MPC2: variants seen among roughly 807,000 people sequenced by gnomAD.
MPC2 encodes brain protein 44.
In MPC2, 19 loss-of-function variants were observed where a neutral mutation model predicts 19.2. That is an observed-to-expected ratio of 0.99 (90% confidence interval 0.69 to 1.45). The LOEUF (loss-of-function observed/expected upper bound fraction) is 1.45. MPC2 is among the 40% of genes most tolerant of loss of function. MPC2 has a pLI of 0.00. For missense variants in MPC2, 122 were observed against 153.0 expected, an observed-to-expected ratio of 0.80 and a Z score of 1.07; for synonymous variants, 61 against 54.3, an observed-to-expected ratio of 1.12 and a Z score of -0.54.
intron 1 of MPC2, 162 bp downstream of exon 1, chr1:167,936,777 C>T: frequency 2.7e-6 from 2 of 743,162 alleles, no homozygotes; most frequent in Admixed American, 2.8e-5. Context: ...GCTGCCACCG[C>T]CATCTAACGC....
chr1:167,935,813 C>A lies in MPC2; in HGVS notation c.29G>T (p.Arg10Leu). 1 of 1,555,262 alleles carries A rather than the reference C, an allele frequency of 6.4e-7. No individual in the cohort carries two copies. The highest frequency in any genetic ancestry group is 2.4e-5 in the East Asian group (1 of 41,472). Reference sequence around the variant, plus strand: ...ATCGAGGAGCCGGTGGTAGGTGGCCCGCAGGCCTCGGGCACCGGCGGCCGA... The same window carrying A: ...ATCGAGGAGCCGGTGGTAGGTGGCCAGCAGGCCTCGGGCACCGGCGGCCGA... MSAAGARGL[R>L]ATYHRLLDKV... Residue 10 changes from arginine to leucine, a missense_variant, in exon 2 of 6, where the codon CGG becomes CTG. Physicochemically the swap from Arg to Leu is moderately radical, Grantham distance 102. Transcript: ENST00000271373.
Position 167,935,849 on chromosome 1 carries a change from G to T in MPC2, c.-8C>A. The T allele has an allele frequency of 6.5e-7, 1 of 1,548,432 alleles. No individual in the cohort carries two copies. The highest frequency in any genetic ancestry group is 8.7e-7 in the Non-Finnish European group (1 of 1,145,788). ...GGCACCGGCGGCCGACATCGCCGCC[G>T]AGGGATCGTTGGCAGCCGGGTGGGA... On this transcript the variant is annotated 5_prime_UTR_variant, in exon 2 of 6. Coordinates refer to ENST00000271373, the MANE Select transcript of MPC2 (RefSeq NM_001143674.4).
At chr1:167,925,442 C>CGTATATATAT (rs1553200802) in intron 2 of MPC2, among the ~76,000 whole-genome samples, 85 of 82,402 alleles carry the variant, frequency 1.0e-3, no homozygotes, top group Non-Finnish European at 1.3e-3. Context: ...TACATATACA[C>CGTATATATAT]ATATATATAT....
At chr1:167,922,731 CAT>C (rs1449212779) in intron 3 of MPC2, among the ~76,000 whole-genome samples, 6 of 152,134 alleles carry the variant, frequency 3.9e-5, no homozygotes, top group African/African-American at 1.4e-4. Context: ...AAGATTGAGT[CAT>C]AGCCAATTCC....
intron 2 of MPC2, among the ~76,000 whole-genome samples, chr1:167,927,003 G>A (rs764288231): frequency 3.3e-5 from 5 of 152,162 alleles, no homozygotes; most frequent in Non-Finnish European, 7.3e-5. Flanking sequence ...GATTATTTAT[G>A]CATCTGTCAC....
rs1034550353 is a variant in MPC2, at chr1:167,918,141, TA to T, written c.*181del. 43 of 496,320 alleles carry T rather than the reference TA, an allele frequency of 8.7e-5. No homozygotes were observed. The highest frequency in any genetic ancestry group is 7.9e-4 in the African/African-American group (40 of 50,520). 30.7% of individuals were successfully genotyped at this position (496,320 alleles called of 1,614,324 possible). On this transcript the variant is annotated 3_prime_UTR_variant, in exon 6 of 6. Coordinates refer to ENST00000271373, the MANE Select transcript of MPC2 (RefSeq NM_001143674.4). ...TACTAATATCCATAGATAAGTTCCTTAAGTCATGTAGAGAGACTGTTATTAA... is the reference window on the plus strand; with the variant it reads ...TACTAATATCCATAGATAAGTTCCTTAGTCATGTAGAGAGACTGTTATTAA...
chr1:167,923,458 C>T (rs1428175286), intron 3 of MPC2, among the ~76,000 whole-genome samples: 3 of 152,114 alleles, frequency 2.0e-5, no homozygotes, highest in Admixed American at 6.5e-5. Flanking sequence ...AAGACAAATA[C>T]ATTTTGATTC....
At chr1:167,925,454 T>C (rs1329113037) in intron 2 of MPC2, among the ~76,000 whole-genome samples, 7 of 114,706 alleles carry the variant, frequency 6.1e-5, no homozygotes, top group African/African-American at 2.2e-4. Flanking sequence ...TATATATATA[T>C]ATATATATAT....
chr1:167,936,367 G>A (rs1671214079), intron 1 of MPC2: 1 of 179,500 alleles, frequency 5.6e-6, no homozygotes, highest in African/African-American at 2.4e-5. Context: ...GCCTAAAGAT[G>A]ATGCCGCACA....
At position 167,935,820 on chromosome 1, in the gene MPC2, C is replaced by T. The variant is rs12746154; in HGVS notation, c.22G>A (p.Gly8Ser). The T allele has an allele frequency of 2.6e-6, 4 of 1,553,888 alleles. No homozygotes were observed. Residue 8 changes from glycine to serine, a missense_variant, in exon 2 of 6, where the codon GGC becomes AGC. By Grantham distance (56) the Gly-to-Ser change is moderately conservative. Coordinates refer to ENST00000271373, the MANE Select transcript of MPC2 (RefSeq NM_001143674.4). ...AGCCGGTGGTAGGTGGCCCGCAGGCCTCGGGCACCGGCGGCCGACATCGCC... is the reference window on the plus strand; with the variant it reads ...AGCCGGTGGTAGGTGGCCCGCAGGCTTCGGGCACCGGCGGCCGACATCGCC... Reference protein sequence around the residue: MSAAGARGLRATYHRLLD... With the variant: MSAAGARSLRATYHRLLD...
At chr1:167,936,828 C>G in intron 1 of MPC2, 111 bp downstream of exon 1, 1 of 1,253,084 alleles carries the variant, frequency 8.0e-7, no homozygotes, top group Non-Finnish European at 1.1e-6. Flanking sequence ...GCCGGTGCGG[C>G]TCGGGTGTTG....
At chr1:167,935,545 G>C (rs1671099480) in intron 2 of MPC2, among the ~76,000 whole-genome samples, 188 bp downstream of exon 2, 1 of 152,194 alleles carries the variant, frequency 6.6e-6, no homozygotes, top group Non-Finnish European at 1.5e-5. Context: ...AGATACGTTG[G>C]CTTAGGAAGA....
chr1:167,918,261 T>TAAAAGGAAA lies in MPC2; in HGVS notation c.*61_*62insTTTCCTTTT. ...TAGCTTTGCTTTATCAATAACCAAA[T>TAAAAGGAAA]AATAAACTAGGTCCCAATGGTTTTG... On this transcript the variant is annotated 3_prime_UTR_variant, in exon 6 of 6. Transcript: ENST00000271373. 7.4e-6 allele frequency: 10 copies of TAAAAGGAAA among 1,345,500 alleles called. No individual in the cohort carries two copies. The highest frequency in any genetic ancestry group is 1.0e-5 in the Non-Finnish European group (10 of 964,894). The allele number at this position is 1,345,500 out of a possible 1,614,324, so 83.3% of individuals were successfully genotyped here. A position where few individuals can be genotyped will look rare whatever the true frequency, so the allele number is the denominator to read the frequency against.
intron 4 of MPC2, among the ~76,000 whole-genome samples, 185 bp downstream of exon 4, chr1:167,920,362 A>G (rs1670569785): frequency 1.3e-5 from 2 of 152,228 alleles, no homozygotes; most frequent in South Asian, 4.1e-4. Flanking sequence ...GCAAAAGCCC[A>G]TTCAGATACT....
intron 2 of MPC2, among the ~76,000 whole-genome samples, chr1:167,932,049 T>A (rs1158724582): frequency 6.6e-6 from 1 of 152,178 alleles, no homozygotes; most frequent in Non-Finnish European, 1.5e-5. Flanking sequence ...CACAGAACTA[T>A]TTTTTCAAAA....
chr1:167,923,562 T>C (rs778346981), intron 3 of MPC2, among the ~76,000 whole-genome samples: 7 of 152,096 alleles, frequency 4.6e-5, no homozygotes, highest in African/African-American at 9.7e-5. Flanking sequence ...TGGGGAATTA[T>C]GGGTACAGAG....
intron 3 of MPC2, among the ~76,000 whole-genome samples, chr1:167,923,425 A>G (rs1050773402): frequency 1.3e-5 from 2 of 150,800 alleles, no homozygotes; most frequent in Admixed American, 6.6e-5. Flanking sequence ...ACATTATGCT[A>G]GGGGAAATAA....
chr1:167,934,659 A>G (rs1319920233), intron 2 of MPC2, among the ~76,000 whole-genome samples: 1 of 152,246 alleles, frequency 6.6e-6, no homozygotes, highest in Non-Finnish European at 1.5e-5. Context: ...TCATAATCAG[A>G]TAATGGGGGA....
At chr1:167,931,697 T>C (rs938612129) in intron 2 of MPC2, among the ~76,000 whole-genome samples, 2 of 152,112 alleles carry the variant, frequency 1.3e-5, no homozygotes, top group Non-Finnish European at 2.9e-5. Context: ...ATTTGATCCA[T>C]ATTAGATTTT....
Sources: allele counts gnomAD v4.1 joint callset (sites outside exome capture counted in the v4.1 genomes callset), GRCh38; gene constraint gnomAD v4.1.1; transcripts MANE v1.5; gene names NCBI Gene and HGNC (gene_info 2026-07-23, HGNC 2026-07-21).